The following ATP8B4 variants were observed in gnomAD, a reference collection of about 807,000 sequenced individuals.
The protein encoded by ATP8B4 is probable phospholipid-transporting ATPase IM.
In ATP8B4, 133 loss-of-function variants were observed where a neutral mutation model predicts 145.6. The ratio of observed to expected loss-of-function variants is 0.91; its 90% CI spans 0.79 to 1.05. ATP8B4 has a LOEUF of 1.05. ATP8B4 is among the 50% of genes least tolerant of loss of function. The pLI is 0.00. For synonymous variants in ATP8B4, 507 were observed against 492.9 expected (o/e 1.03, Z -0.38); for missense variants, 1,458 against 1,425.2 (o/e 1.02, Z -0.37).
At chr15:50,002,265 G>C in intron 7 of ATP8B4, 42 bp from the exon 8 acceptor site, 1 of 1,522,794 alleles carries the variant, frequency 6.6e-7, no homozygotes, top group Non-Finnish European at 9.0e-7. Flanking sequence ...TGAGAAGTTA[G>C]ATTGGTTGAA....
chr15:49,986,261 C>G (rs548453317), intron 10 of ATP8B4, among the ~76,000 whole-genome samples: 4 of 152,280 alleles, frequency 2.6e-5, no homozygotes, highest in African/African-American at 9.6e-5. Context: ...GCACCTCCAT[C>G]TCTATGATGA....
At chr15:49,985,100 A>AT (rs11314773) in intron 10 of ATP8B4, among the ~76,000 whole-genome samples, 4,815 of 145,918 alleles carry the variant, frequency 0.033, 99 homozygotes, top group Non-Finnish European at 0.051. Context: ...TTCATTTTGG[A>AT]TTTTTTTTTT....
chr15:49,869,205 C>A (rs1435562141), intron 25 of ATP8B4, among the ~76,000 whole-genome samples: 3 of 151,852 alleles, frequency 2.0e-5, no homozygotes, highest in Non-Finnish European at 1.5e-5. Context: ...AGCCACTGAG[C>A]CTGGCCAGAA....
At chr15:50,051,774 C>G (rs1351088217) in intron 3 of ATP8B4, among the ~76,000 whole-genome samples, 1 of 152,186 alleles carries the variant, frequency 6.6e-6, no homozygotes, top group East Asian at 1.9e-4. Flanking sequence ...AGGACATATG[C>G]AATGTCTATA....
intron 2 of ATP8B4, among the ~76,000 whole-genome samples, chr15:50,100,792 C>T (rs764180341): frequency 1.1e-4 from 16 of 152,068 alleles, no homozygotes; most frequent in Admixed American, 1.0e-3. Context: ...AGTTACACAG[C>T]CAAAACTTAG....
At chr15:49,947,790 GA>G (rs1475955329) in intron 14 of ATP8B4, among the ~76,000 whole-genome samples, 1 of 152,048 alleles carries the variant, frequency 6.6e-6, no homozygotes, top group African/African-American at 2.4e-5. Context: ...CAGACCAGTG[GA>G]ATAGAATAGA....
At position 49,866,469 on chromosome 15, in the gene ATP8B4, T is replaced by C; in HGVS notation, c.3043A>G (p.Ser1015Gly). 6.2e-7 allele frequency: 1 copy of C among 1,613,738 alleles called. No homozygotes were observed. Among genetic ancestry groups the C allele is most frequent in the African/African-American group, 1.3e-5 (1 of 75,060 alleles). The change falls in exon 26 of 28, where the codon AGT becomes GGT. Residue 1015 changes from serine (S) to glycine (G), a missense_variant. Physicochemically the swap from Ser to Gly is moderately conservative, Grantham distance 56. Coordinates refer to ENST00000284509, the MANE Select transcript of ATP8B4 (RefSeq NM_024837.4). Reference protein sequence around the residue: ...VVSVQIALDTSYWTFINHVFI... With the variant: ...VVSVQIALDTGYWTFINHVFI... ...ACGTGATTAATGAAAGTCCAGTAAC[T>C]GGTATCCAAGGCTATCTGTAAATAA...
In ATP8B4 at chr15:49,897,486, G is replaced by A. The variant is rs757826409; in HGVS notation, c.2503C>T (p.Gln835Ter). The change falls in exon 23 of 28, where the codon CAG becomes TAG. Residue 835 changes from glutamine to a stop codon, truncating the protein, a stop_gained. Coordinates refer to ENST00000284509, the MANE Select transcript of ATP8B4 (RefSeq NM_024837.4). LOFTEE classifies it high-confidence loss of function. ...GCTAAGACTGCTTGCAATCCTTCCTGGCCGCTGATGCCAACACCAATGTGA... is the reference window on the plus strand; with the variant it reads ...GCTAAGACTGCTTGCAATCCTTCCTAGCCGCTGATGCCAACACCAATGTGA... ...SAHIGVGISG[Q>*]EGLQAVLASD... 6.4e-7 allele frequency: 1 copy of A among 1,573,254 alleles called. No individual in the cohort carries two copies. The highest frequency in any genetic ancestry group is 8.6e-7 in the Non-Finnish European group (1 of 1,158,692).
intron 25 of ATP8B4, among the ~76,000 whole-genome samples, chr15:49,871,112 CA>C (rs1159616563): frequency 1.3e-5 from 2 of 152,210 alleles, no homozygotes; most frequent in African/African-American, 4.8e-5. Context: ...GACCTCTGTT[CA>C]AATCCTGGCC....
intron 23 of ATP8B4, among the ~76,000 whole-genome samples, chr15:49,881,189 AT>A (rs372962349): frequency 1.5e-3 from 224 of 152,292 alleles, no homozygotes; most frequent in African/African-American, 5.0e-3. Flanking sequence ...ATATTCCTCC[AT>A]GACTGATTTC....
chr15:50,031,538 T>C (rs953492658), intron 6 of ATP8B4, among the ~76,000 whole-genome samples: 3 of 149,920 alleles, frequency 2.0e-5, no homozygotes, highest in Non-Finnish European at 2.9e-5. Context: ...GTGTGTAAGC[T>C]GCAAATACAC....
At chr15:49,899,784 C>G (rs1340588983) in intron 21 of ATP8B4, among the ~76,000 whole-genome samples, 1 of 152,074 alleles carries the variant, frequency 6.6e-6, no homozygotes, top group Non-Finnish European at 1.5e-5. Flanking sequence ...AAAAAGCTTT[C>G]TGACCATACT....
At chr15:49,953,900 A>G (rs1008619841) in intron 14 of ATP8B4, among the ~76,000 whole-genome samples, 1 of 152,092 alleles carries the variant, frequency 6.6e-6, no homozygotes, top group African/African-American at 2.4e-5. Flanking sequence ...GTGCTCACTC[A>G]CTGCCTCCCT....
intron 11 of ATP8B4, among the ~76,000 whole-genome samples, chr15:49,980,141 T>C (rs1226657308): frequency 1.3e-5 from 2 of 152,186 alleles, no homozygotes; most frequent in Admixed American, 6.6e-5. Context: ...CTTGGCCTCA[T>C]AGGCTCTGTA....
At chr15:49,874,081 C>T (rs2153391047) in intron 25 of ATP8B4, among the ~76,000 whole-genome samples, 1 of 152,268 alleles carries the variant, frequency 6.6e-6, no homozygotes, top group Admixed American at 6.5e-5. Flanking sequence ...AAGAAATATC[C>T]ATTGTGTGTC....
intron 1 of ATP8B4, among the ~76,000 whole-genome samples, chr15:50,173,714 T>A (rs116552539): frequency 0.1 from 15,207 of 147,758 alleles, 1,078 homozygotes; most frequent in African/African-American, 0.2. Context: ...TAAAAAAATT[T>A]AAAAAAAAAA....
rs897799339 is a variant in ATP8B4, at chr15:49,858,258, T to A, written c.*1936A>T. ...TCAAGTACCAATAGTGCCAAAACATTTACTGAAAGTTTTCAAATCTTGCAA... is the reference window on the plus strand; with the variant it reads ...TCAAGTACCAATAGTGCCAAAACATATACTGAAAGTTTTCAAATCTTGCAA... On this transcript the variant is annotated 3_prime_UTR_variant, in exon 28 of 28. Transcript: ENST00000284509. The A allele has an allele frequency of 6.6e-6, 1 of 152,158 alleles. No homozygotes were observed. The highest frequency in any genetic ancestry group is 6.5e-5 in the Admixed American group (1 of 15,268). The allele number at this position is 152,158 out of a possible 1,614,324, so 9.4% of individuals were successfully genotyped here. A position where few individuals can be genotyped will look rare whatever the true frequency, so the allele number is the denominator to read the frequency against.
intron 1 of ATP8B4, among the ~76,000 whole-genome samples, chr15:50,138,310 A>ATAGATAGG (rs1567402886): frequency 1.5e-5 from 2 of 130,998 alleles, no homozygotes; most frequent in African/African-American, 5.7e-5. Flanking sequence ...AGATACATAT[A>ATAGATAGG]TAGATAGATA....
intron 14 of ATP8B4, among the ~76,000 whole-genome samples, chr15:49,959,243 T>A (rs1326241843): frequency 6.6e-6 from 1 of 151,998 alleles, no homozygotes; most frequent in African/African-American, 2.4e-5. Context: ...AAAGGGCTAT[T>A]GCTAAATTCA....
Sources: allele counts gnomAD v4.1 joint callset (sites outside exome capture counted in the v4.1 genomes callset), GRCh38; gene constraint gnomAD v4.1.1; transcripts MANE v1.5; gene names NCBI Gene and HGNC (gene_info 2026-07-23, HGNC 2026-07-21).